Variants in ATG5 observed in about 807,000 individuals in gnomAD.
ATG5 encodes autophagy protein 5.
In ATG5, 14 loss-of-function variants were observed where a neutral mutation model predicts 36.5. The ratio of observed to expected loss-of-function variants is 0.38; its 90% confidence interval spans 0.25 to 0.60. ATG5 has a LOEUF of 0.60. Ranked by LOEUF, ATG5 falls within the 20% of genes least tolerant of loss-of-function variation. The probability of loss-of-function intolerance (pLI) is 0.60; values close to 1 mark genes in which losing one functional copy is unlikely to be tolerated. For synonymous variants in ATG5, 95 were observed against 101.5 expected, an observed-to-expected ratio of 0.94 and a Z score of 0.38; for missense variants, 195 against 326.7, an observed-to-expected ratio of 0.60 and a Z score of 3.11.
At chr6:106,203,478 A>T (rs1235627771) in intron 6 of ATG5, among the ~76,000 whole-genome samples, 2 of 152,372 alleles carry the variant, frequency 1.3e-5, no homozygotes, top group East Asian at 3.9e-4. Flanking sequence ...GTTAAAGAGA[A>T]TAAAAGCATT....
At chr6:106,269,641 G>GGCCCGGGTGCTAAGCCCCTC (rs1779370695) in intron 5 of ATG5, among the ~76,000 whole-genome samples, 1 of 152,252 alleles carries the variant, frequency 6.6e-6, no homozygotes, top group Non-Finnish European at 1.5e-5. Flanking sequence ...CGCAGCCGCT[G>GGCCCGGGTGCTAAGCCCCTC]GCCCGGGTGC....
intron 6 of ATG5, among the ~76,000 whole-genome samples, chr6:106,204,374 G>A (rs978447722): frequency 1.3e-4 from 20 of 152,134 alleles, no homozygotes; most frequent in African/African-American, 4.8e-4. Context: ...TTTGTGACAA[G>A]TATGAAAATT....
At chr6:106,239,198 G>A (rs1778013642) in intron 6 of ATG5, among the ~76,000 whole-genome samples, 1 of 151,736 alleles carries the variant, frequency 6.6e-6, no homozygotes, top group Non-Finnish European at 1.5e-5. Flanking sequence ...AATAGGATGA[G>A]ATTTTTGTTT....
At chr6:106,246,435 T>TTCTC (rs145623033) in intron 6 of ATG5, among the ~76,000 whole-genome samples, 3 of 125,742 alleles carry the variant, frequency 2.4e-5, no homozygotes, top group East Asian at 2.3e-4. Flanking sequence ...CACACACCCT[T>TTCTC]TCTCTCTCTC....
chr6:106,268,384 GC>G (rs1779308323), intron 5 of ATG5, among the ~76,000 whole-genome samples: 1 of 152,172 alleles, frequency 6.6e-6, no homozygotes, highest in South Asian at 2.1e-4. Context: ...AACAACAGAT[GC>G]TGGCAAGGTT....
At chr6:106,223,934 T>A (rs1354160836) in intron 6 of ATG5, among the ~76,000 whole-genome samples, 1 of 152,240 alleles carries the variant, frequency 6.6e-6, no homozygotes, top group East Asian at 1.9e-4. Context: ...AATTAGTTAA[T>A]TCTTCCAGCC....
At chr6:106,197,190 G>GTAGA (rs952576180) in intron 7 of ATG5, among the ~76,000 whole-genome samples, 4 of 152,156 alleles carry the variant, frequency 2.6e-5, no homozygotes, top group African/African-American at 9.7e-5. Context: ...ATTTTAAAAA[G>GTAGA]TAGATTGTCG....
At chr6:106,318,099 A>G (rs753194768) in intron 1 of ATG5, among the ~76,000 whole-genome samples, 6 of 152,210 alleles carry the variant, frequency 3.9e-5, no homozygotes, top group Non-Finnish European at 5.9e-5. Flanking sequence ...GTCACTATTG[A>G]TATTATTTTT....
rs138425623 is a variant in ATG5, at chr6:106,245,958, T to A, written c.573+2192A>T. ...TTAGGCAAACAAAAATAGAGTTCCA[T>A]CCTCCTTTGGTCAAGGCCATGGTTG... On this transcript the variant is annotated intron_variant, in intron 6 of 7. Transcript: ENST00000369076. Among the ~76,000 whole-genome samples, 321 of 152,176 alleles carry A rather than the reference T, an allele frequency of 2.1e-3. 1 individual carries two copies. Among genetic ancestry groups the A allele is most frequent in the African/African-American group, 6.8e-3 (281 of 41,532 alleles).
At chr6:106,318,381 T>C (rs750637806) in intron 1 of ATG5, among the ~76,000 whole-genome samples, 1 of 152,302 alleles carries the variant, frequency 6.6e-6, no homozygotes, top group South Asian at 2.1e-4. Flanking sequence ...CCCTTCCACA[T>C]GTCACGAACA....
chr6:106,190,893 A>G (rs1405431595), intron 7 of ATG5, among the ~76,000 whole-genome samples: 1 of 152,226 alleles, frequency 6.6e-6, no homozygotes, highest in Admixed American at 6.5e-5. Flanking sequence ...TCAATATACA[A>G]TAATATAAAT....
intron 1 of ATG5, among the ~76,000 whole-genome samples, chr6:106,317,455 A>G (rs1316111351): frequency 6.6e-6 from 1 of 152,144 alleles, no homozygotes; most frequent in African/African-American, 2.4e-5. Context: ...TAAATTAATT[A>G]GTTAAAGAAA....
rs1402942201 is a variant in ATG5 at position 106,184,631 on chromosome 6, C to T, written c.*1909G>A. The stretch of plus-strand genomic sequence containing the variant: ...GGATTAGAGTAATAAAGCTATGATG[C>T]TGGTACAATAATGAATGAGGAAGTA... On this transcript the variant is annotated 3_prime_UTR_variant, in exon 8 of 8. Coordinates refer to ENST00000369076, the MANE Select transcript of ATG5 (RefSeq NM_004849.4). The T allele has an allele frequency of 2.6e-5, 4 of 152,228 alleles. No homozygotes were observed. Among genetic ancestry groups the T allele is most frequent in the Non-Finnish European group, 5.9e-5 (4 of 68,006 alleles). The allele number at this position is 152,228 out of a possible 1,614,324, so 9.4% of individuals were successfully genotyped here.
rs529467219 is a variant in ATG5 at position 106,208,307 on chromosome 6, TTC to T, written c.574-6220_574-6219del. 8.5e-5 allele frequency among the ~76,000 whole-genome samples: 13 copies of T among 152,304 alleles called. No individual in the cohort carries two copies. In the South Asian group the frequency reaches 2.3e-3, roughly 27 times the overall value. ...ATGGAGATAATACCTACATTATAGT[TTC>T]TGAGATAATAAAATGCACAACACAA... On this transcript the variant is annotated intron_variant, in intron 6 of 7. Transcript: ENST00000369076.
chr6:106,320,283 G>A (rs937631487), intron 1 of ATG5, among the ~76,000 whole-genome samples: 1 of 152,230 alleles, frequency 6.6e-6, no homozygotes, highest in African/African-American at 2.4e-5. Flanking sequence ...GCAGGGGAAA[G>A]AGGAGGGGTT....
At chr6:106,280,477 T>C (rs779415622) in intron 4 of ATG5, among the ~76,000 whole-genome samples, 1 of 152,104 alleles carries the variant, frequency 6.6e-6, no homozygotes, top group South Asian at 2.1e-4. Context: ...ATAAGTCAAT[T>C]AGACCTCAAT....
At chr6:106,247,877 GT>G (rs1582606558) in intron 6 of ATG5, among the ~76,000 whole-genome samples, 1 of 152,150 alleles carries the variant, frequency 6.6e-6, no homozygotes, top group Non-Finnish European at 1.5e-5. Context: ...GACCGTAAAA[GT>G]GCTCCAAGTA....
intron 2 of ATG5, among the ~76,000 whole-genome samples, chr6:106,313,092 G>T (rs994825508): frequency 6.6e-6 from 1 of 152,122 alleles, no homozygotes; most frequent in Non-Finnish European, 1.5e-5. Context: ...AGGTGGAGGT[G>T]GGAGAAGATC....
chr6:106,243,916 T>C (rs1778229911), intron 6 of ATG5, among the ~76,000 whole-genome samples: 1 of 142,920 alleles, frequency 7.0e-6, no homozygotes, highest in Admixed American at 7.0e-5. Context: ...TTTTTTTTTT[T>C]TTTTTTTTTT....
Sources: allele counts gnomAD v4.1 joint callset (sites outside exome capture counted in the v4.1 genomes callset), GRCh38; gene constraint gnomAD v4.1.1; transcripts MANE v1.5; gene names NCBI Gene and HGNC (gene_info 2026-07-23, HGNC 2026-07-21).